Variants in SCFD2 observed in about 807,000 individuals in gnomAD.
SCFD2 encodes sec1 family domain containing 2, also known as sec1 family domain-containing protein 2.
SCFD2 carries 54 observed loss-of-function variants against 58.9 expected under a neutral mutation model. The ratio of observed to expected loss-of-function variants is 0.92; its 90% CI spans 0.74 to 1.15. The LOEUF (loss-of-function observed/expected upper bound fraction) is 1.15, where lower values mean the gene tolerates loss of function less well. Among genes scored for constraint, SCFD2 ranks in the 50% most tolerant of loss-of-function variants. The pLI, the probability that SCFD2 is intolerant of heterozygous loss-of-function variation, is 0.00. For missense variants in SCFD2, 805 were observed against 836.6 expected (o/e 0.96, Z 0.47); for synonymous variants, 321 against 335.9 (o/e 0.96, Z 0.49).
chr4:52,920,712 C>A lies in SCFD2; in HGVS notation c.1707+13G>T. 1 of 1,562,044 alleles carries A rather than the reference C, an allele frequency of 6.4e-7. No individual in the cohort carries two copies. The highest frequency in any genetic ancestry group is 8.7e-7 in the Non-Finnish European group (1 of 1,150,906). ...AACAGATTAGAAGGTTACTTTAAAA[C>A]GTATATACTTGCCTGGTGGGTATGA... is the stretch of plus-strand genomic sequence containing the variant. On this transcript the variant is annotated intron_variant, in intron 6 of 8. Transcript: ENST00000401642.
intron 2 of SCFD2, 51 bp from the exon 3 acceptor site, chr4:53,313,814 G>C: frequency 6.3e-7 from 1 of 1,591,618 alleles, no homozygotes; most frequent in Non-Finnish European, 8.6e-7. Context: ...ACTGGATACT[G>C]GAAAGGGTTG....
intron 2 of SCFD2, among the ~76,000 whole-genome samples, chr4:53,344,165 G>C (rs1450545909): frequency 1.3e-5 from 2 of 151,780 alleles, no homozygotes; most frequent in African/African-American, 4.8e-5. Context: ...AATTGTCTCT[G>C]TTTGCAGATG....
chr4:53,142,298 G>A (rs1460451360), intron 5 of SCFD2, among the ~76,000 whole-genome samples: 1 of 152,152 alleles, frequency 6.6e-6, no homozygotes, highest in Non-Finnish European at 1.5e-5. Context: ...TGTCTTTTAA[G>A]ATTATCCAAA....
intron 4 of SCFD2, among the ~76,000 whole-genome samples, chr4:53,248,395 G>A (rs1031120540): frequency 3.3e-5 from 5 of 152,224 alleles, no homozygotes; most frequent in African/African-American, 1.2e-4. Context: ...AAGCAGCCAG[G>A]AAATTCGAAC....
At chr4:52,875,861 A>ATGT (rs1403723967) in intron 8 of SCFD2, among the ~76,000 whole-genome samples, 117 of 100,172 alleles carry the variant, frequency 1.2e-3, no homozygotes, top group Non-Finnish European at 2.1e-3. Flanking sequence ...TATATAGTTA[A>ATGT]TGTCAGCCAA....
intron 3 of SCFD2, among the ~76,000 whole-genome samples, chr4:53,275,592 T>C (rs1436907901): frequency 6.6e-6 from 1 of 152,222 alleles, no homozygotes; most frequent in Non-Finnish European, 1.5e-5. Flanking sequence ...ATGGATATGG[T>C]TGGATAACCA....
chr4:53,353,222 G>A (rs960847987), intron 1 of SCFD2, among the ~76,000 whole-genome samples: 6 of 151,940 alleles, frequency 3.9e-5, no homozygotes, highest in African/African-American at 1.5e-4. Flanking sequence ...GACCTTCGCG[G>A]TGAGTGTTAC....
At chr4:52,928,120 A>G (rs1436277383) in intron 5 of SCFD2, among the ~76,000 whole-genome samples, 1 of 152,098 alleles carries the variant, frequency 6.6e-6, no homozygotes, top group African/African-American at 2.4e-5. Context: ...GGATCACTTG[A>G]GGCTAGGAGT....
chr4:53,199,183 T>C (rs1728150429), intron 4 of SCFD2, among the ~76,000 whole-genome samples: 1 of 152,118 alleles, frequency 6.6e-6, no homozygotes, highest in Admixed American at 6.6e-5. Context: ...CTCTGAGTGA[T>C]GGCATTTGTG....
intron 5 of SCFD2, among the ~76,000 whole-genome samples, chr4:53,099,838 GT>G (rs1216084214): frequency 6.6e-6 from 1 of 152,124 alleles, no homozygotes; most frequent in African/African-American, 2.4e-5. Context: ...GTTTGGAGGG[GT>G]CAAACATCCA....
At chr4:53,288,108 A>C (rs932743420) in intron 3 of SCFD2, among the ~76,000 whole-genome samples, 1 of 151,932 alleles carries the variant, frequency 6.6e-6, no homozygotes, top group African/African-American at 2.4e-5. Flanking sequence ...AAAAAATTAA[A>C]GAAATAATTG....
chr4:53,040,457 T>C (rs1442715232), intron 5 of SCFD2, among the ~76,000 whole-genome samples: 1 of 152,152 alleles, frequency 6.6e-6, no homozygotes, highest in Non-Finnish European at 1.5e-5. Flanking sequence ...TGGGGTTCAT[T>C]TGAATCAAAA....
intron 5 of SCFD2, among the ~76,000 whole-genome samples, chr4:52,922,140 T>C (rs1351998208): frequency 3.9e-5 from 6 of 152,190 alleles, no homozygotes; most frequent in Non-Finnish European, 7.3e-5. Context: ...TGTCTCAAGA[T>C]AGTAGTGATT....
At chr4:53,335,685 A>G (rs994266772) in intron 2 of SCFD2, among the ~76,000 whole-genome samples, 2 of 152,204 alleles carry the variant, frequency 1.3e-5, no homozygotes, top group African/African-American at 4.8e-5. Context: ...ACTATTTCTG[A>G]AACTTTTTTG....
intron 3 of SCFD2, among the ~76,000 whole-genome samples, chr4:53,310,718 A>G (rs772011250): frequency 7.2e-5 from 11 of 152,342 alleles, no homozygotes; most frequent in Non-Finnish European, 1.0e-4. Flanking sequence ...GTCTTTTAGC[A>G]ATTAAACATT....
chr4:53,251,496 C>A (rs1181063488), intron 4 of SCFD2, among the ~76,000 whole-genome samples: 3 of 151,910 alleles, frequency 2.0e-5, no homozygotes, highest in African/African-American at 4.8e-5. Context: ...AAAATACTGG[C>A]AAACCAAATC....
At chr4:53,167,018 T>C (rs1727031732) in intron 4 of SCFD2, among the ~76,000 whole-genome samples, 1 of 152,172 alleles carries the variant, frequency 6.6e-6, no homozygotes, top group Non-Finnish European at 1.5e-5. Context: ...CAGTATGTGA[T>C]ACCATTAATC....
intron 5 of SCFD2, among the ~76,000 whole-genome samples, chr4:52,938,873 C>G (rs960909907): frequency 1.3e-5 from 2 of 152,118 alleles, no homozygotes; most frequent in Admixed American, 1.3e-4. Flanking sequence ...TCTCCTCTTC[C>G]GTGTGTGGTA....
intron 5 of SCFD2, among the ~76,000 whole-genome samples, chr4:53,112,893 C>T (rs1725212359): frequency 6.6e-6 from 1 of 152,022 alleles, no homozygotes. Context: ...TACGCATTCC[C>T]TACCCCTATT....
Sources: gnomAD v4.1 joint callset for allele counts (sites outside exome capture counted in the v4.1 genomes callset) on GRCh38, gnomAD v4.1.1 for gene constraint, MANE v1.5 for transcripts, NCBI Gene and HGNC (gene_info 2026-07-23, HGNC 2026-07-21) for gene names.